Variants in ABCC4 observed in about 807,000 individuals in gnomAD.
The protein encoded by ABCC4 is ATP-binding cassette sub-family C member 4.
In ABCC4, 102 loss-of-function variants were observed where a neutral mutation model predicts 168.5. That is an observed-to-expected ratio of 0.61 (90% CI 0.52 to 0.71). The LOEUF (loss-of-function observed/expected upper bound fraction) is 0.71. Among genes scored for constraint, ABCC4 ranks in the 30% least tolerant of loss-of-function variants. ABCC4 has a pLI of 0.00. For synonymous variants in ABCC4, 617 were observed against 590.7 expected (o/e 1.04, Z -0.65); for missense variants, 1,402 against 1,605.8 (o/e 0.87, Z 2.17).
intron 19 of ABCC4, among the ~76,000 whole-genome samples, chr13:95,157,928 C>T (rs962170790): frequency 1.3e-5 from 2 of 151,952 alleles, no homozygotes; most frequent in African/African-American, 4.8e-5. Context: ...AAAAATTAGC[C>T]GGGCGTGGTG....
intron 9 of ABCC4, among the ~76,000 whole-genome samples, chr13:95,194,507 T>C (rs145541620): frequency 1.0e-3 from 153 of 152,348 alleles, no homozygotes; most frequent in Admixed American, 2.4e-3. Flanking sequence ...GTTAACCCAT[T>C]CCATGCTGCA....
intron 19 of ABCC4, among the ~76,000 whole-genome samples, chr13:95,122,678 C>T (rs2035614276): frequency 6.6e-6 from 1 of 152,156 alleles, no homozygotes; most frequent in Non-Finnish European, 1.5e-5. Context: ...CCCTGCTTGC[C>T]TCCACCTACC....
At chr13:95,136,026 AAC>A (rs994319166) in intron 19 of ABCC4, among the ~76,000 whole-genome samples, 4 of 152,176 alleles carry the variant, frequency 2.6e-5, no homozygotes, top group Non-Finnish European at 5.9e-5. Flanking sequence ...GCAAAATTAA[AAC>A]ACAGTTTTTA....
Position 95,025,459 on chromosome 13 carries a change from C to T in ABCC4, c.3871-3777G>A, listed in dbSNP as rs117735078. Among the ~76,000 whole-genome samples, 78 of 33,576 alleles carry T rather than the reference C, an allele frequency of 2.3e-3. 15 individuals are homozygous for T. The highest frequency in any genetic ancestry group is 0.016 in the East Asian group (12 of 752). 22.0% of individuals were successfully genotyped at this position (33,576 alleles called of 152,430 possible). A position where few individuals can be genotyped will look rare whatever the true frequency, so the allele number is the denominator to read the frequency against. ...CCCCTGACACCCACACACACACCCA[C>T]ACACCCACACACCCATACACATACA... is the stretch of plus-strand genomic sequence containing the variant. On this transcript the variant is annotated intron_variant, in intron 30 of 30. Transcript: ENST00000645237.
At chr13:95,187,353 C>T (rs904985436) in intron 10 of ABCC4, among the ~76,000 whole-genome samples, 1 of 152,156 alleles carries the variant, frequency 6.6e-6, no homozygotes, top group East Asian at 1.9e-4. Flanking sequence ...GCCTGTAATC[C>T]CAGCACTTTG....
chr13:95,219,687 A>C (rs1367624437), intron 4 of ABCC4, among the ~76,000 whole-genome samples: 3 of 151,962 alleles, frequency 2.0e-5, no homozygotes, highest in African/African-American at 7.3e-5. Context: ...AGGGTAGAAC[A>C]GGGAGGGCCG....
At chr13:95,136,048 G>T (rs1475035583) in intron 19 of ABCC4, among the ~76,000 whole-genome samples, 1 of 152,054 alleles carries the variant, frequency 6.6e-6, no homozygotes, top group South Asian at 2.1e-4. Context: ...AAAAATGTTA[G>T]CAAATCATGA....
intron 29 of ABCC4, among the ~76,000 whole-genome samples, chr13:95,042,454 T>G (rs1007584778): frequency 3.3e-5 from 5 of 152,172 alleles, no homozygotes; most frequent in Admixed American, 2.0e-4. Context: ...ACTAAAGGAC[T>G]GTGGCTTTTA....
intron 1 of ABCC4, among the ~76,000 whole-genome samples, chr13:95,257,797 T>G (rs1038431299): frequency 5.3e-5 from 8 of 152,194 alleles, no homozygotes; most frequent in Non-Finnish European, 1.0e-4. Context: ...CTGAATTACA[T>G]GCATGTGAAC....
At chr13:95,249,193 T>C (rs1231714044) in intron 1 of ABCC4, among the ~76,000 whole-genome samples, 1 of 149,004 alleles carries the variant, frequency 6.7e-6, no homozygotes, top group Non-Finnish European at 1.5e-5. Flanking sequence ...CACACCAGCC[T>C]GAGCAGAACA....
intron 20 of ABCC4, among the ~76,000 whole-genome samples, chr13:95,093,870 G>A (rs891522895): frequency 5.9e-5 from 9 of 151,990 alleles, no homozygotes; most frequent in African/African-American, 2.2e-4. Context: ...TCTTCTATAC[G>A]CCAACAGGAA....
At chr13:95,079,549 C>T (rs116529160) in intron 21 of ABCC4, among the ~76,000 whole-genome samples, 122 of 152,172 alleles carry the variant, frequency 8.0e-4, no homozygotes, top group African/African-American at 2.8e-3. Flanking sequence ...AGAACACTGC[C>T]CAAAGCTGGG....
intron 19 of ABCC4, among the ~76,000 whole-genome samples, chr13:95,138,147 T>C (rs2036199592): frequency 6.6e-6 from 1 of 152,200 alleles, no homozygotes; most frequent in Non-Finnish European, 1.5e-5. Flanking sequence ...CACGTTACAC[T>C]TTACCAATTA....
rs779124863 is a variant in ABCC4, at chr13:95,164,509, C to T, written c.2044G>A (p.Val682Ile). 13 of 1,614,070 alleles carry T rather than the reference C, an allele frequency of 8.1e-6. No individual in the cohort carries two copies. Among genetic ancestry groups the T allele is most frequent in the Non-Finnish European group, 1.1e-5 (13 of 1,179,986 alleles). The change falls in exon 16 of 31, where the codon GTC becomes ATC. Residue 682 changes from valine to isoleucine, a missense_variant. Transcript: ENST00000645237. The stretch of plus-strand genomic sequence containing the variant: ...TTCTCCTCTGATAGTGTAACTGGGA[C>T]ATTCTCTGTCTGCAGAGGAAAAAAG... Reference protein sequence around the residue: ...GALESQDTENVPVTLSEENRS... With the variant: ...GALESQDTENIPVTLSEENRS...
intron 19 of ABCC4, among the ~76,000 whole-genome samples, chr13:95,152,456 TA>T (rs2036719511): frequency 6.6e-6 from 1 of 152,102 alleles, no homozygotes; most frequent in Non-Finnish European, 1.5e-5. Flanking sequence ...TCAGGGGATT[TA>T]GCAAGGAAAC....
intron 20 of ABCC4, among the ~76,000 whole-genome samples, chr13:95,084,626 A>G (rs1031540235): frequency 2.6e-5 from 4 of 152,120 alleles, no homozygotes; most frequent in Non-Finnish European, 5.9e-5. Flanking sequence ...ACAAGTCAAA[A>G]TGTCTAACAG....
chr13:95,087,014 G>A (rs1439703702), intron 20 of ABCC4, among the ~76,000 whole-genome samples: 1 of 147,948 alleles, frequency 6.8e-6, no homozygotes, highest in Non-Finnish European at 1.5e-5. Context: ...AACGATTACT[G>A]ACTTCGCAGA....
chr13:95,074,427 C>G, intron 22 of ABCC4, 103 bp from the exon 23 acceptor site: 1 of 800,832 alleles, frequency 1.2e-6, no homozygotes, highest in East Asian at 2.7e-5. Context: ...AGTAGGGCAC[C>G]AAAGTTGCAC....
intron 20 of ABCC4, chr13:95,096,196 A>C (rs1343714149): frequency 3.1e-6 from 2 of 646,676 alleles, no homozygotes; most frequent in Admixed American, 5.1e-5. Context: ...AAGAAAAAAA[A>C]AAACATATTC....
Sources: gnomAD v4.1 joint callset for allele counts (sites outside exome capture counted in the v4.1 genomes callset) on GRCh38, gnomAD v4.1.1 for gene constraint, MANE v1.5 for transcripts, NCBI Gene and HGNC (gene_info 2026-07-23, HGNC 2026-07-21) for gene names.